The following ATP8A1 variants were observed in gnomAD, a reference collection of about 807,000 sequenced individuals.
ATP8A1 encodes ATPase phospholipid transporting 8A1.
ATP8A1 carries 90 observed loss-of-function variants against 177.7 expected under a neutral mutation model. The ratio of observed to expected loss-of-function variants is 0.51; its 90% CI spans 0.43 to 0.60. ATP8A1 has a LOEUF of 0.60. ATP8A1 is among the 20% of genes least tolerant of loss of function. The pLI is 0.00. For synonymous variants in ATP8A1, 493 were observed against 485.9 expected, an observed-to-expected ratio of 1.01 and a Z score of -0.19; for missense variants, 1,072 against 1,392.8, an observed-to-expected ratio of 0.77 and a Z score of 3.67.
chr4:42,469,794 A>T (rs1313746798), intron 25 of ATP8A1, among the ~76,000 whole-genome samples: 1 of 152,168 alleles, frequency 6.6e-6, no homozygotes, highest in Non-Finnish European at 1.5e-5. Flanking sequence ...TACTCTACTC[A>T]GAGTTTATTT....
At chr4:42,465,144 A>T in intron 25 of ATP8A1, 68 bp from the exon 26 acceptor site, 4 of 1,379,264 alleles carry the variant, frequency 2.9e-6, no homozygotes, top group African/African-American at 1.4e-5. Context: ...CATCGTGTTG[A>T]AGGATAAAAG....
intron 4 of ATP8A1, among the ~76,000 whole-genome samples, chr4:42,617,901 A>G (rs1737076276): frequency 6.6e-6 from 1 of 152,236 alleles, no homozygotes; most frequent in Non-Finnish European, 1.5e-5. Context: ...TTTTAATCCC[A>G]TGCCTACAAA....
At chr4:42,591,978 T>C (rs962137328) in intron 6 of ATP8A1, among the ~76,000 whole-genome samples, 1 of 152,154 alleles carries the variant, frequency 6.6e-6, no homozygotes, top group African/African-American at 2.4e-5. Context: ...CCTGACTTAG[T>C]CATTACCTAA....
At position 42,483,320 on chromosome 4, in the gene ATP8A1, AAG is replaced by A. The variant is rs1217223868; in HGVS notation, c.2324+2174_2324+2175del. On this transcript the variant is annotated intron_variant, in intron 25 of 36. Coordinates refer to ENST00000381668, the MANE Select transcript of ATP8A1 (RefSeq NM_006095.2). ...AGCTGAACCACAGTCCTTATGGGAA[AAG>A]AGAGAGTATGAAGGTAGTTAGAAGA... 6.6e-5 allele frequency among the ~76,000 whole-genome samples: 10 copies of A among 151,962 alleles called. No homozygotes were observed. In the South Asian group the frequency reaches 1.9e-3, roughly 29 times the overall value.
chr4:42,501,551 C>G (rs2153193019), intron 24 of ATP8A1, among the ~76,000 whole-genome samples: 1 of 152,350 alleles, frequency 6.6e-6, no homozygotes, highest in South Asian at 2.1e-4. Context: ...AAGTTCATTA[C>G]TTAAATGCTA....
rs1161592693 is a variant in ATP8A1 at position 42,479,917 on chromosome 4, A to G, written c.2324+5579T>C. 2.6e-5 allele frequency among the ~76,000 whole-genome samples: 4 copies of G among 151,700 alleles called. No homozygotes were observed. In the East Asian group the frequency reaches 7.8e-4, roughly 29 times the overall value. ...AGTGTGTGCACTTTGCGAAAATCCC[A>G]AGCGGGTGCATTTATACTTTATGTA... On this transcript the variant is annotated intron_variant, in intron 25 of 36. Coordinates refer to ENST00000381668, the MANE Select transcript of ATP8A1 (RefSeq NM_006095.2).
intron 5 of ATP8A1, among the ~76,000 whole-genome samples, chr4:42,601,088 T>G (rs1285828219): frequency 2.2e-5 from 3 of 135,438 alleles, no homozygotes; most frequent in African/African-American, 8.5e-5. Flanking sequence ...TAGGCTGGAG[T>G]GCAATGGCAC....
intron 27 of ATP8A1, among the ~76,000 whole-genome samples, chr4:42,464,107 A>G (rs1719467710): frequency 6.6e-6 from 1 of 152,160 alleles, no homozygotes; most frequent in South Asian, 2.1e-4. Flanking sequence ...CTTTATTAAA[A>G]ATGCAGTCAA....
intron 5 of ATP8A1, among the ~76,000 whole-genome samples, chr4:42,603,719 A>G (rs1735524778): frequency 6.6e-6 from 1 of 152,192 alleles, no homozygotes; most frequent in Non-Finnish European, 1.5e-5. Context: ...ACCATCACCA[A>G]TATCAGCACC....
intron 22 of ATP8A1, among the ~76,000 whole-genome samples, chr4:42,510,392 T>C (rs1243232602): frequency 1.3e-5 from 2 of 152,332 alleles, no homozygotes; most frequent in East Asian, 3.9e-4. Flanking sequence ...TGAATTTAAA[T>C]GTTTACACAA....
At chr4:42,633,803 T>A (rs899507628) in intron 1 of ATP8A1, among the ~76,000 whole-genome samples, 2 of 101,786 alleles carry the variant, frequency 2.0e-5, no homozygotes, top group Non-Finnish European at 4.4e-5. Context: ...CTACTATAGC[T>A]GCTGCTATTT....
At chr4:42,590,613 G>GTTGA (rs1450919395) in intron 7 of ATP8A1, among the ~76,000 whole-genome samples, 198 bp downstream of exon 7, 1 of 152,100 alleles carries the variant, frequency 6.6e-6, no homozygotes, top group African/African-American at 2.4e-5. Flanking sequence ...AATTTGCCCA[G>GTTGA]CTGAAGGACA....
At chr4:42,514,838 C>G (rs1352673424) in intron 22 of ATP8A1, among the ~76,000 whole-genome samples, 1 of 152,096 alleles carries the variant, frequency 6.6e-6, no homozygotes, top group Non-Finnish European at 1.5e-5. Context: ...TTCACAACAG[C>G]AAGATAAACC....
rs908702354 is a variant in ATP8A1, at chr4:42,637,388, C to T, written c.50-10279G>A. 1.1e-4 allele frequency among the ~76,000 whole-genome samples: 16 copies of T among 152,148 alleles called. 1 individual carries two copies. Among genetic ancestry groups the T allele is most frequent in the African/African-American group, 2.9e-4 (12 of 41,442 alleles). On this transcript the variant is annotated intron_variant, in intron 1 of 36. Transcript: ENST00000381668. ...GCCAAACGGTTTTCCACATCCCTAC[C>T]TTCTTCTCCATCACCCTCTTGTTCA... is the stretch of plus-strand genomic sequence containing the variant.
chr4:42,627,151 G>A lies in ATP8A1; in HGVS notation c.50-42C>T, dbSNP rs756513487. On this transcript the variant is annotated intron_variant, in intron 1 of 36. Coordinates refer to ENST00000381668, the MANE Select transcript of ATP8A1 (RefSeq NM_006095.2). ...CTTATTGTACAAGAAATGTTTTATTGTCCAGACCAAAAACAGATTTCATAA... is the reference window on the plus strand; with the variant it reads ...CTTATTGTACAAGAAATGTTTTATTATCCAGACCAAAAACAGATTTCATAA... 17 of 1,473,102 alleles carry A rather than the reference G, an allele frequency of 1.2e-5. No homozygotes were observed. In the South Asian group the frequency reaches 1.5e-4, roughly 13 times the overall value. The allele number at this position is 1,473,102 out of a possible 1,614,324, so 91.3% of individuals were successfully genotyped here.
chr4:42,628,213 T>C (rs898492208), intron 1 of ATP8A1, among the ~76,000 whole-genome samples: 1 of 152,142 alleles, frequency 6.6e-6, no homozygotes, highest in Non-Finnish European at 1.5e-5. Flanking sequence ...CTCCACCCAC[T>C]GATGAAAAAA....
rs1243259253 is a variant in ATP8A1 at position 42,597,650 on chromosome 4, T to C, written c.450+2828A>G. 3.3e-5 allele frequency among the ~76,000 whole-genome samples: 5 copies of C among 152,236 alleles called. No homozygotes were observed. In the South Asian group the frequency reaches 1.0e-3, roughly 32 times the overall value. On this transcript the variant is annotated intron_variant, in intron 6 of 36. Transcript: ENST00000381668. Reference sequence around the variant, plus strand: ...CTGTCCCTATTGTTGCATTTCCATATGTTCTAGTTTTTTGCTATTATAAGT... The same window carrying C: ...CTGTCCCTATTGTTGCATTTCCATACGTTCTAGTTTTTTGCTATTATAAGT...
intron 33 of ATP8A1, among the ~76,000 whole-genome samples, chr4:42,443,303 T>G (rs538614480): frequency 6.6e-6 from 1 of 152,192 alleles, no homozygotes; most frequent in Non-Finnish European, 1.5e-5. Flanking sequence ...CTTAACGAGA[T>G]TCAAGCTCCC....
chr4:42,552,969 G>C (rs1729663097), intron 16 of ATP8A1, among the ~76,000 whole-genome samples: 1 of 152,226 alleles, frequency 6.6e-6, no homozygotes, highest in Non-Finnish European at 1.5e-5. Flanking sequence ...CAGGACAAGA[G>C]AGTGAGACTC....
Sources: gnomAD v4.1 joint callset for allele counts (sites outside exome capture counted in the v4.1 genomes callset) on GRCh38, gnomAD v4.1.1 for gene constraint, MANE v1.5 for transcripts, NCBI Gene and HGNC (gene_info 2026-07-23, HGNC 2026-07-21) for gene names.